The following DGKH variants were observed in gnomAD, a reference collection of about 807,000 sequenced individuals.
DGKH encodes diacylglycerol kinase eta, also known as DAG kinase eta.
Under a neutral mutation model 159.3 loss-of-function variants are expected in DGKH, and 90 were observed. The ratio of observed to expected loss-of-function variants is 0.57; its 90% confidence interval spans 0.48 to 0.67. The LOEUF is 0.67. DGKH is among the 30% of genes least tolerant of loss of function. The pLI is 0.00. For synonymous variants in DGKH, 536 were observed against 553.8 expected (o/e 0.97, Z 0.45); for missense variants, 1,181 against 1,506.1 (o/e 0.78, Z 3.57).
In DGKH at chr13:42,069,302, A is replaced by G. The variant is rs1593981102; in HGVS notation, c.192+20337A>G. 6 of 1,121,194 alleles carry G rather than the reference A, an allele frequency of 5.4e-6. No homozygotes were observed. In the East Asian group the frequency reaches 1.4e-4, roughly 26 times the overall value. The allele number at this position is 1,121,194 out of a possible 1,614,324, so 69.5% of individuals were successfully genotyped here. A position where few individuals can be genotyped will look rare whatever the true frequency, so the allele number is the denominator to read the frequency against. On this transcript the variant is annotated intron_variant, in intron 1 of 29. Transcript: ENST00000337343. The stretch of plus-strand genomic sequence containing the variant: ...GAAAACAGTTCTCCCCATCACTCAC[A>G]AACTGGCTGTCCCAAGAAGATGGGT...
intron 13 of DGKH, chr13:42,181,571 T>TA: frequency 3.6e-6 from 1 of 274,880 alleles, no homozygotes; most frequent in East Asian, 9.6e-5. Context: ...TGTTCTGTCT[T>TA]ATACAAGCAA....
At chr13:42,214,459 C>A in intron 24 of DGKH, 48 bp from the exon 25 acceptor site, 1 of 1,558,838 alleles carries the variant, frequency 6.4e-7, no homozygotes, top group Non-Finnish European at 8.8e-7. Flanking sequence ...AAAAAATGAG[C>A]AATACTCAAA....
chr13:42,129,712 A>G, intron 3 of DGKH, 80 bp downstream of exon 3: 2 of 1,296,992 alleles, frequency 1.5e-6, no homozygotes, highest in South Asian at 1.3e-5. Flanking sequence ...GCCCTGTTCA[A>G]TTACAAACTG....
chr13:42,136,223 C>T (rs987259250), intron 3 of DGKH, among the ~76,000 whole-genome samples: 3 of 152,100 alleles, frequency 2.0e-5, no homozygotes, highest in Non-Finnish European at 2.9e-5. Context: ...AGTATGTTGC[C>T]GATTCCTGAA....
At chr13:42,093,199 A>G (rs1278432231) in intron 1 of DGKH, among the ~76,000 whole-genome samples, 1 of 151,520 alleles carries the variant, frequency 6.6e-6, no homozygotes, top group East Asian at 1.9e-4. Flanking sequence ...AACTGAGATC[A>G]TGCTACTGCA....
chr13:42,118,276 A>T (rs1333353855), intron 1 of DGKH, among the ~76,000 whole-genome samples: 1 of 152,112 alleles, frequency 6.6e-6, no homozygotes, highest in African/African-American at 2.4e-5. Context: ...ATTTCCCCTC[A>T]ATCAGGGGCC....
At chr13:42,191,472 C>G (rs34749620) in intron 16 of DGKH, among the ~76,000 whole-genome samples, 18,125 of 152,028 alleles carry the variant, frequency 0.12, 1,534 homozygotes, top group East Asian at 0.4. Context: ...AATAAACCTG[C>G]ACATGTCCCC....
At chr13:42,051,461 A>G (rs748709537) in intron 1 of DGKH, among the ~76,000 whole-genome samples, 2 of 152,126 alleles carry the variant, frequency 1.3e-5, no homozygotes, top group Non-Finnish European at 2.9e-5. Context: ...AGTGAGAGCA[A>G]TAGGGGGAAT....
chr13:42,058,168 A>T (rs1274911205), intron 1 of DGKH, among the ~76,000 whole-genome samples: 2 of 152,128 alleles, frequency 1.3e-5, no homozygotes, highest in Non-Finnish European at 2.9e-5. Flanking sequence ...GAGATAGGTG[A>T]AAAAAATACA....
At chr13:42,094,685 T>C (rs1224726180) in intron 1 of DGKH, among the ~76,000 whole-genome samples, 1 of 152,236 alleles carries the variant, frequency 6.6e-6, no homozygotes, top group East Asian at 1.9e-4. Flanking sequence ...GAGATTTAAA[T>C]TTTTATACAG....
At chr13:42,197,900 T>C (rs1957241356) in intron 17 of DGKH, among the ~76,000 whole-genome samples, 1 of 152,180 alleles carries the variant, frequency 6.6e-6, no homozygotes, top group Non-Finnish European at 1.5e-5. Context: ...TTGGAAAGCA[T>C]GTTGAAATAA....
At chr13:42,061,988 G>GGGGTGTGTGTGTGT (rs145261789) in intron 1 of DGKH, among the ~76,000 whole-genome samples, 26 of 149,786 alleles carry the variant, frequency 1.7e-4, no homozygotes, top group South Asian at 8.5e-4. Flanking sequence ...TGTGTGTGTG[G>GGGGTGTGTGTGTGT]GTGTGTGTGT....
At chr13:42,104,006 T>C (rs2137781769) in intron 1 of DGKH, among the ~76,000 whole-genome samples, 1 of 152,346 alleles carries the variant, frequency 6.6e-6, no homozygotes, top group South Asian at 2.1e-4. Flanking sequence ...ATGCAGTGGC[T>C]CAAATAACAT....
rs1225024164 is a variant in DGKH, at chr13:42,231,438, G to A, written c.*2250G>A. On this transcript the variant is annotated 3_prime_UTR_variant, in exon 30 of 30. Coordinates refer to ENST00000337343, the MANE Select transcript of DGKH (RefSeq NM_178009.5). ...ACGAAGTCAGAGGTCTCCTTTTTCA[G>A]TCCCTCTGATAGTCCCACCTAAGTG... The A allele has an allele frequency of 1.3e-5, 2 of 152,032 alleles. No individual in the cohort carries two copies. The highest frequency in any genetic ancestry group is 3.8e-4 in the East Asian group (2 of 5,196). 9.4% of individuals were successfully genotyped at this position (152,032 alleles called of 1,614,324 possible). A position where few individuals can be genotyped will look rare whatever the true frequency, so the allele number is the denominator to read the frequency against.
exon 31 of DGKH, chr13:42,256,474 T>G (rs1958658096): frequency 3.8e-6 from 5 of 1,318,134 alleles, no homozygotes; most frequent in Non-Finnish European, 5.5e-6. Flanking sequence ...AACTTGGCTA[T>G]CTCACACCAG....
At chr13:42,226,873 A>G (rs1354935736) in intron 29 of DGKH, among the ~76,000 whole-genome samples, 11 of 148,496 alleles carry the variant, frequency 7.4e-5, no homozygotes, top group Non-Finnish European at 1.6e-4. Flanking sequence ...AAAAAAAAAT[A>G]GTAGACTGGA....
At chr13:42,212,594 C>T (rs957527760) in intron 24 of DGKH, among the ~76,000 whole-genome samples, 1 of 152,224 alleles carries the variant, frequency 6.6e-6, no homozygotes, top group Non-Finnish European at 1.5e-5. Context: ...AGGCTTGCTT[C>T]TGGTCAACGT....
chr13:42,108,624 T>G (rs1351032149), intron 1 of DGKH, among the ~76,000 whole-genome samples: 1 of 152,278 alleles, frequency 6.6e-6, no homozygotes. Context: ...TGACGGCATC[T>G]CTAAGTGGAG....
At chr13:42,127,704 G>C (rs1566115841) in intron 2 of DGKH, 131 bp downstream of exon 2, 2 of 672,356 alleles carry the variant, frequency 3.0e-6, no homozygotes, top group Non-Finnish European at 5.2e-6. Flanking sequence ...ATATAAATGT[G>C]ATCTATCGGT....
Sources: gnomAD v4.1 joint callset for allele counts (sites outside exome capture counted in the v4.1 genomes callset) on GRCh38, gnomAD v4.1.1 for gene constraint, MANE v1.5 for transcripts, NCBI Gene and HGNC (gene_info 2026-07-23, HGNC 2026-07-21) for gene names.